The following ATM variants were observed in gnomAD, a reference collection of about 807,000 sequenced individuals.
ATM encodes serine-protein kinase ATM.
In ATM, 308 loss-of-function variants were observed where a neutral mutation model predicts 387.0. The observed-to-expected ratio is 0.80, with a 90% CI of 0.73 to 0.87. ATM has a LOEUF of 0.87. ATM is among the 40% of genes least tolerant of loss of function. The pLI is 0.00. For missense variants in ATM, 3,312 were observed against 3,560.9 expected, an observed-to-expected ratio of 0.93 and a Z score of 1.78; for synonymous variants, 1,156 against 1,187.3, an observed-to-expected ratio of 0.97 and a Z score of 0.54.
chr11:108,340,212 C>T (rs985279477), intron 56 of ATM: 1 of 152,132 alleles, frequency 6.6e-6, no homozygotes, highest in Non-Finnish European at 1.5e-5. Context: ...GAGACAATAA[C>T]ATCATGAACC....
chr11:108,247,253 T>TA, intron 8 of ATM, 126 bp downstream of exon 8: 1 of 815,800 alleles, frequency 1.2e-6, no homozygotes, highest in Non-Finnish European at 2.0e-6. Flanking sequence ...TACATGCAAC[T>TA]ATTCCTTTCA....
Position 108,259,074 on chromosome 11 carries a change from T to G in ATM, c.2465T>G (p.Leu822Ter), listed in dbSNP as rs1442299125. Residue 822 changes from leucine (L) to a stop codon, truncating the protein, a stop_gained and splice_region_variant, in exon 16 of 63, where the codon TTA becomes TGA. Transcript: ENST00000675843. LOFTEE classifies it high-confidence loss of function. Reference protein sequence around the residue: ...MNDIADICKSLASFIKKPFDR... With the variant: ...MNDIADICKS The stretch of plus-strand genomic sequence containing the variant: ...GACATTGCAGATATTTGTAAAAGTT[T>G]AGTAAGTATGCTTCCTGTTTTGCTA... 6.2e-7 allele frequency: 1 copy of G among 1,610,338 alleles called. No homozygotes were observed. The highest frequency in any genetic ancestry group is 8.5e-7 in the Non-Finnish European group (1 of 1,177,444).
chr11:108,320,819 A>T (rs1591104209), intron 44 of ATM, among the ~76,000 whole-genome samples: 1 of 152,246 alleles, frequency 6.6e-6, no homozygotes, highest in Non-Finnish European at 1.5e-5. Flanking sequence ...TTAACTACTA[A>T]TAGCTTACTG....
chr11:108,340,522 A>G (rs889159442), intron 56 of ATM, among the ~76,000 whole-genome samples: 9 of 152,304 alleles, frequency 5.9e-5, no homozygotes, highest in African/African-American at 1.9e-4. Flanking sequence ...AGCAAGTCCT[A>G]TTGGTCAACT....
intron 18 of ATM, 90 bp from the exon 19 acceptor site, chr11:108,270,974 G>A (rs651030): frequency 1.9e-6 from 2 of 1,061,266 alleles, no homozygotes; most frequent in African/African-American, 1.6e-5. Context: ...GATTACAGGT[G>A]TGAGCCACTG....
At chr11:108,328,296 G>T (rs1258655794) in intron 48 of ATM, among the ~76,000 whole-genome samples, 2 of 152,100 alleles carry the variant, frequency 1.3e-5, no homozygotes, top group Admixed American at 1.3e-4. Flanking sequence ...GCCCAAGCTG[G>T]AGTGCAGTGG....
chr11:108,315,420 G>A (rs2084538043), intron 40 of ATM, among the ~76,000 whole-genome samples: 1 of 152,002 alleles, frequency 6.6e-6, no homozygotes, highest in Admixed American at 6.5e-5. Flanking sequence ...TATATTTTAT[G>A]GTAGTAAATG....
chr11:108,249,084 A>ATTT lies in ATM; in HGVS notation c.1219_1221dup (p.Phe407dup), dbSNP rs1064792998. On this transcript the variant is annotated inframe_insertion, in exon 9 of 63. Transcript: ENST00000675843. ...GATCACCTTCAGAAGTCACAGAATG[A>ATTT]TTTTGATCTTGTGCCTTGGTAAAGT... 1.2e-6 allele frequency: 2 copies of ATTT among 1,613,852 alleles called. No individual in the cohort carries two copies. The highest frequency in any genetic ancestry group is 2.7e-5 in the African/African-American group (2 of 74,898).
intron 59 of ATM, among the ~76,000 whole-genome samples, chr11:108,347,830 A>G (rs570201004): frequency 8.5e-5 from 13 of 152,312 alleles, no homozygotes; most frequent in African/African-American, 3.1e-4. Flanking sequence ...AAACTATAGG[A>G]AATAAATGAA....
chr11:108,310,295 T>C lies in ATM; in HGVS notation c.5898T>C (p.Ser1966=), dbSNP rs1046092637. 1.9e-6 allele frequency: 3 copies of C among 1,613,408 alleles called. No homozygotes were observed. The highest frequency in any genetic ancestry group is 2.5e-6 in the Non-Finnish European group (3 of 1,179,630). Residue 1966 remains serine (S), a synonymous_variant, in exon 39 of 63, where the codon AGT becomes AGC. Coordinates refer to ENST00000675843, the MANE Select transcript of ATM (RefSeq NM_000051.4). Reference sequence around the variant, plus strand: ...CAGAAATCTATGCAGATAAGAAAAGTATGGATGATCAAGAGAAAAGGTAAT... The same window carrying C: ...CAGAAATCTATGCAGATAAGAAAAGCATGGATGATCAAGAGAAAAGGTAAT... ...LYAEIYADKK[S]MDDQEKRSLA...
chr11:108,329,257 G>A lies in ATM; in HGVS notation c.7307+19G>A. Reference sequence around the variant, plus strand: ...CAAACAGGTAACTAGGTTTCTACAAGTGACAATTTTATGTTCACCAGTTAA... The same window carrying A: ...CAAACAGGTAACTAGGTTTCTACAAATGACAATTTTATGTTCACCAGTTAA... On this transcript the variant is annotated intron_variant, in intron 49 of 62. Transcript: ENST00000675843. The A allele has an allele frequency of 3.1e-6, 5 of 1,593,128 alleles. No individual in the cohort carries two copies. Among genetic ancestry groups the A allele is most frequent in the Non-Finnish European group, 4.3e-6 (5 of 1,162,648 alleles).
intron 58 of ATM, among the ~76,000 whole-genome samples, chr11:108,346,886 G>T (rs545273931): frequency 6.6e-6 from 1 of 152,226 alleles, no homozygotes; most frequent in African/African-American, 2.4e-5. Context: ...ACTGAAGAGT[G>T]AAGAGTTTAT....
At chr11:108,312,372 G>A (rs2084236957) in intron 39 of ATM, 39 bp from the exon 40 acceptor site, 1 of 1,449,912 alleles carries the variant, frequency 6.9e-7, no homozygotes, top group Non-Finnish European at 9.7e-7. Flanking sequence ...CTTCCAAATA[G>A]TATGTTCTCA....
At chr11:108,362,760 G>C (rs995388461) in intron 61 of ATM, among the ~76,000 whole-genome samples, 11 of 141,720 alleles carry the variant, frequency 7.8e-5, no homozygotes, top group Non-Finnish European at 1.4e-4. Flanking sequence ...GAGAACACAT[G>C]GACACAGGAA....
chr11:108,332,092 G>C (rs2136534234), intron 52 of ATM, 55 bp downstream of exon 52: 1 of 1,595,240 alleles, frequency 6.3e-7, no homozygotes. Flanking sequence ...GTCTTTCCTA[G>C]AATATTTCTT....
intron 56 of ATM, chr11:108,336,255 A>C (rs1212448686): frequency 2.9e-6 from 1 of 345,740 alleles, no homozygotes; most frequent in African/African-American, 2.1e-5. Context: ...CAGTGAGCTC[A>C]AACTCTGCAG....
chr11:108,254,820 T>C (rs1347976391), intron 13 of ATM, among the ~76,000 whole-genome samples: 1 of 152,106 alleles, frequency 6.6e-6, no homozygotes, highest in African/African-American at 2.4e-5. Context: ...AGGTAATTTT[T>C]GTATTTTTAG....
At chr11:108,225,206 AG>A (rs1374738469) in intron 1 of ATM, 1 of 152,220 alleles carries the variant, frequency 6.6e-6, no homozygotes, top group Non-Finnish European at 1.5e-5. Flanking sequence ...TTGACTCAAG[AG>A]GGCTTTAAAC....
In ATM at chr11:108,335,005, A is replaced by G. The variant is rs587781344; in HGVS notation, c.8047A>G (p.Ile2683Val). 8.1e-6 allele frequency: 13 copies of G among 1,613,486 alleles called. No individual in the cohort carries two copies. The highest frequency in any genetic ancestry group is 1.7e-4 in the Middle Eastern group (1 of 6,060). ...AGGAGAATATGGAAATCTGGTGACT[A>G]TACAGTCATTTAAAGCAGAATTTCG... Reference protein sequence around the residue: ...HTGEYGNLVTIQSFKAEFRLA... With the variant: ...HTGEYGNLVTVQSFKAEFRLA... Residue 2683 changes from isoleucine (I) to valine (V), a missense_variant, in exon 55 of 63, where the codon ATA (isoleucine) becomes GTA (valine). By Grantham distance (29) the Ile-to-Val change is conservative. Transcript: ENST00000675843.
Sources: allele counts gnomAD v4.1 joint callset (sites outside exome capture counted in the v4.1 genomes callset), GRCh38; gene constraint gnomAD v4.1.1; transcripts MANE v1.5; gene names NCBI Gene and HGNC (gene_info 2026-07-23, HGNC 2026-07-21).